Variants in LINGO2 observed in about 807,000 individuals in gnomAD.
LINGO2 encodes the protein leucine-rich repeat and immunoglobulin-like domain-containing nogo receptor-interacting protein 2.
LINGO2 carries 14 observed loss-of-function variants against 30.6 expected under a neutral mutation model. That is an observed-to-expected ratio of 0.46 (90% confidence interval 0.30 to 0.72). LINGO2 has a LOEUF of 0.72. Ranked by LOEUF, LINGO2 falls within the 30% of genes least tolerant of loss-of-function variation. The pLI is 0.07. For synonymous variants in LINGO2, 317 were observed against 288.5 expected, an observed-to-expected ratio of 1.10 and a Z score of -1.00; for missense variants, 729 against 751.7, an observed-to-expected ratio of 0.97 and a Z score of 0.35.
intron 4 of LINGO2, among the ~76,000 whole-genome samples, chr9:28,252,439 A>C (rs918464796): frequency 1.3e-5 from 2 of 151,966 alleles, no homozygotes; most frequent in East Asian, 1.9e-4. Flanking sequence ...GTTGGCCAGG[A>C]TGGTCTCAAT....
At chr9:28,363,819 G>A (rs78708366) in intron 3 of LINGO2, among the ~76,000 whole-genome samples, 2,745 of 151,946 alleles carry the variant, frequency 0.018, 69 homozygotes, top group African/African-American at 0.061. Context: ...TTCTCCTAAC[G>A]TGTCTGTCTC....
At chr9:28,611,896 C>G (rs1235654725) in intron 1 of LINGO2, among the ~76,000 whole-genome samples, 1 of 151,950 alleles carries the variant, frequency 6.6e-6, no homozygotes, top group Non-Finnish European at 1.5e-5. Flanking sequence ...TCTCAGCTCA[C>G]TGCAAGCTCC....
the LINGO2 span, among the ~76,000 whole-genome samples, chr9:28,952,687 T>C: frequency 1.3e-5 from 2 of 152,168 alleles, no homozygotes; most frequent in Non-Finnish European, 2.9e-5. Context: ...GCACCAACTG[T>C]CAGACAGAGA....
chr9:28,314,786 C>G (rs1345517746), intron 3 of LINGO2, among the ~76,000 whole-genome samples: 1 of 151,796 alleles, frequency 6.6e-6, no homozygotes, highest in Non-Finnish European at 1.5e-5. Flanking sequence ...AGATAGAGAC[C>G]ATCCTGGCTA....
intron 4 of LINGO2, among the ~76,000 whole-genome samples, chr9:28,172,129 C>T (rs1195056001): frequency 2.0e-5 from 3 of 151,000 alleles, no homozygotes; most frequent in African/African-American, 2.4e-5. Flanking sequence ...CGGTGGCTCA[C>T]GCCTGTAATC....
chr9:28,104,514 T>G (rs1826522626), intron 4 of LINGO2, among the ~76,000 whole-genome samples: 1 of 151,922 alleles, frequency 6.6e-6, no homozygotes, highest in Admixed American at 6.6e-5. Flanking sequence ...CCTTCAGACC[T>G]CCCAATATAG....
At chr9:28,926,181 G>C in the LINGO2 span, among the ~76,000 whole-genome samples, 10 of 152,234 alleles carry the variant, frequency 6.6e-5, no homozygotes, top group African/African-American at 2.4e-4. Flanking sequence ...GGGGACAGTG[G>C]CGCATGCCTG....
chr9:28,161,177 C>A (rs1327856493), intron 4 of LINGO2, among the ~76,000 whole-genome samples: 2 of 152,080 alleles, frequency 1.3e-5, no homozygotes, highest in African/African-American at 4.8e-5. Context: ...TATAAATTAA[C>A]TTTGCTATTA....
chr9:28,862,920 A>G, the LINGO2 span, among the ~76,000 whole-genome samples: 4 of 152,134 alleles, frequency 2.6e-5, no homozygotes, highest in Admixed American at 1.3e-4. Flanking sequence ...ATGACCACAA[A>G]GTTCCATTTA....
chr9:28,327,826 A>G (rs1489788934), intron 3 of LINGO2, among the ~76,000 whole-genome samples: 1 of 152,178 alleles, frequency 6.6e-6, no homozygotes, highest in Admixed American at 6.5e-5. Flanking sequence ...AAGTCATGTG[A>G]TATATTCAAT....
chr9:28,760,587 A>T, the LINGO2 span, among the ~76,000 whole-genome samples: 6 of 151,890 alleles, frequency 4.0e-5, no homozygotes, highest in Admixed American at 3.3e-4. Flanking sequence ...GATTTGTGAA[A>T]TCCTGGTGCA....
the LINGO2 span, among the ~76,000 whole-genome samples, chr9:28,934,994 T>C: frequency 6.6e-6 from 1 of 152,170 alleles, no homozygotes; most frequent in South Asian, 2.1e-4. Context: ...TATGGCTTGA[T>C]AATCAATTTC....
rs566675200 is a variant in LINGO2 at position 28,105,188 on chromosome 9, A to G, written c.-86-92783T>C. On this transcript the variant is annotated intron_variant, in intron 4 of 5. Coordinates refer to ENST00000379992, the Ensembl canonical transcript of LINGO2. ...ATACTCCACTTCTGTTTTCCCTCTC[A>G]ACAACTGTTCTGAAACACCAGGGGG... is the stretch of plus-strand genomic sequence containing the variant. 2.6e-4 allele frequency among the ~76,000 whole-genome samples: 40 copies of G among 152,278 alleles called. No individual in the cohort carries two copies. In the South Asian group the frequency reaches 8.1e-3, roughly 31 times the overall value.
intron 4 of LINGO2, among the ~76,000 whole-genome samples, chr9:28,228,294 T>C (rs1821240839): frequency 6.6e-6 from 1 of 152,002 alleles, no homozygotes; most frequent in Non-Finnish European, 1.5e-5. Flanking sequence ...TTTAGAAAGC[T>C]CTCAGTGTTA....
At chr9:28,010,519 A>G (rs763312681) in intron 5 of LINGO2, among the ~76,000 whole-genome samples, 10 of 152,112 alleles carry the variant, frequency 6.6e-5, no homozygotes, top group South Asian at 4.1e-4. Context: ...GAAAAGCCCT[A>G]TTTTTCTGAT....
At chr9:28,432,707 T>G (rs1173891642) in intron 2 of LINGO2, among the ~76,000 whole-genome samples, 1 of 152,164 alleles carries the variant, frequency 6.6e-6, no homozygotes, top group African/African-American at 2.4e-5. Context: ...TAATCATGAA[T>G]GCAGAATAGA....
At chr9:28,513,898 A>G (rs538617991) in intron 1 of LINGO2, among the ~76,000 whole-genome samples, 5 of 152,342 alleles carry the variant, frequency 3.3e-5, no homozygotes, top group African/African-American at 1.2e-4. Context: ...CATTTTCACA[A>G]ATTGAAGCTT....
At chr9:29,115,683 A>G in the LINGO2 span, among the ~76,000 whole-genome samples, 1 of 152,036 alleles carries the variant, frequency 6.6e-6, no homozygotes, top group Non-Finnish European at 1.5e-5. Context: ...GAAGAACTAA[A>G]ACTATCATTA....
intron 1 of LINGO2, among the ~76,000 whole-genome samples, chr9:28,497,051 T>C (rs1204095854): frequency 6.6e-6 from 1 of 152,224 alleles, no homozygotes; most frequent in Non-Finnish European, 1.5e-5. Context: ...TGGACTTCCC[T>C]TTGTGGGTAA....
Sources: gnomAD v4.1 joint callset for allele counts (sites outside exome capture counted in the v4.1 genomes callset) on GRCh38, gnomAD v4.1.1 for gene constraint, MANE v1.5 for transcripts, NCBI Gene and HGNC (gene_info 2026-07-23, HGNC 2026-07-21) for gene names.